The following DCAF8L2 variants were observed in gnomAD, a reference collection of about 807,000 sequenced individuals.
DCAF8L2 encodes the protein DDB1 and CUL4 associated factor 8 like 2, also known as DDB1- and CUL4-associated factor 8-like protein 2.
For missense variants in DCAF8L2, 430 were observed against 490.7 expected (o/e 0.88, Z 1.17); for synonymous variants, 200 against 190.9 (o/e 1.05, Z -0.39).
At chrX:27,595,320 A>G (rs758566713) in intron 1 of DCAF8L2, among the ~76,000 whole-genome samples, 27 of 111,843 alleles carry the variant, frequency 2.4e-4, no homozygotes, top group African/African-American at 7.5e-4. Flanking sequence ...AAAAAGCAGC[A>G]TGGCCAACTC....
At chrX:27,619,673 T>C (rs1015433703) in intron 1 of DCAF8L2, among the ~76,000 whole-genome samples, 8 of 111,711 alleles carry the variant, frequency 7.2e-5, no homozygotes, top group African/African-American at 2.6e-4. Context: ...ATCTACAAAA[T>C]GGCAGCTGCT....
the DCAF8L2 span, among the ~76,000 whole-genome samples, chrX:27,531,896 G>A: frequency 9.4e-4 from 105 of 111,129 alleles, no homozygotes; most frequent in African/African-American, 3.0e-3. Context: ...ACCATATATC[G>A]AAAAGGAATT....
intron 1 of DCAF8L2, among the ~76,000 whole-genome samples, chrX:27,620,308 C>G (rs1189829260): frequency 9.0e-6 from 1 of 111,136 alleles, no homozygotes. Context: ...AAAAATATAG[C>G]CAGAGGATAC....
chrX:27,627,538 TG>T (rs1225189641), intron 1 of DCAF8L2: 1 of 10,504 alleles, frequency 9.5e-5, no homozygotes, highest in African/African-American at 6.1e-4. Context: ...TTGTTTTTGT[TG>T]TGTGTGTGTG....
intron 3 of DCAF8L2, among the ~76,000 whole-genome samples, chrX:27,711,421 G>C (rs952134762): frequency 1.9e-5 from 2 of 105,243 alleles, no homozygotes; most frequent in African/African-American, 7.2e-5. Context: ...GTGTGTGTGT[G>C]TGTATTATAT....
the DCAF8L2 span, among the ~76,000 whole-genome samples, chrX:27,547,845 TTCTCTC>T: frequency 6.5e-5 from 3 of 46,291 alleles, no homozygotes; most frequent in Middle Eastern, 0.015. Context: ...CTCTCTCTCT[TTCTCTC>T]TCTCTCTCTC....
the DCAF8L2 span, among the ~76,000 whole-genome samples, chrX:27,549,002 C>G: frequency 6.3e-5 from 7 of 111,662 alleles, no homozygotes; most frequent in Non-Finnish European, 9.4e-5. Flanking sequence ...AGACCCACAA[C>G]AGAAGCGAAA....
the DCAF8L2 span, among the ~76,000 whole-genome samples, chrX:27,574,142 C>T: frequency 9.0e-6 from 1 of 110,575 alleles, no homozygotes; most frequent in Non-Finnish European, 1.9e-5. Context: ...CTTCAGTGGG[C>T]TTCCTGAGGA....
the DCAF8L2 span, among the ~76,000 whole-genome samples, chrX:27,523,957 C>T: frequency 1.8e-5 from 2 of 111,446 alleles, no homozygotes; most frequent in East Asian, 2.8e-4. Context: ...ATTTCTGCAT[C>T]GATGTTCATC....
chrX:27,585,413 T>C (rs756500950), upstream of DCAF8L2, among the ~76,000 whole-genome samples: 1 of 112,222 alleles, frequency 8.9e-6, no homozygotes, highest in South Asian at 3.7e-4. Context: ...TCTTATTGTC[T>C]ACTGATTCTG....
At chrX:27,624,385 C>T (rs749266275) in intron 1 of DCAF8L2, among the ~76,000 whole-genome samples, 1 of 110,729 alleles carries the variant, frequency 9.0e-6, no homozygotes, top group Non-Finnish European at 1.9e-5. Flanking sequence ...AAGGAACATT[C>T]CATGCTCATG....
At chrX:27,719,488 C>T (rs1931817550) in intron 4 of DCAF8L2, among the ~76,000 whole-genome samples, 1 of 101,947 alleles carries the variant, frequency 9.8e-6, no homozygotes, top group Non-Finnish European at 2.0e-5. Flanking sequence ...CTTGCTGTCA[C>T]CCAGGCTGGA....
chrX:27,659,731 T>A (rs745500045), intron 2 of DCAF8L2, among the ~76,000 whole-genome samples: 28 of 111,647 alleles, frequency 2.5e-4, no homozygotes, highest in African/African-American at 9.1e-4. Context: ...CCATTTTTTT[T>A]TAAATTTCAT....
At chrX:27,586,019 A>G (rs893081376), upstream of DCAF8L2, among the ~76,000 whole-genome samples, 1 of 111,343 alleles carries the variant, frequency 9.0e-6, no homozygotes, top group African/African-American at 3.3e-5. Context: ...ACTAACACAC[A>G]CCATCAGGGT....
the DCAF8L2 span, among the ~76,000 whole-genome samples, chrX:27,511,451 G>A: frequency 1.8e-5 from 2 of 111,463 alleles, no homozygotes; most frequent in Non-Finnish European, 3.8e-5. Flanking sequence ...TAAAATCTTA[G>A]TTATCACTTA....
At chrX:27,496,556 C>T in the DCAF8L2 span, among the ~76,000 whole-genome samples, 1 of 111,736 alleles carries the variant, frequency 8.9e-6, no homozygotes, top group Admixed American at 9.6e-5. Flanking sequence ...GATCATTAGT[C>T]TTGCAGCATG....
chrX:27,720,369 A>T (rs1273653341), intron 4 of DCAF8L2, among the ~76,000 whole-genome samples: 38 of 106,444 alleles, frequency 3.6e-4, no homozygotes, highest in African/African-American at 9.4e-4. Flanking sequence ...GATTATTATT[A>T]TTATTATTTT....
intron 2 of DCAF8L2, among the ~76,000 whole-genome samples, chrX:27,653,165 A>C (rs906405633): frequency 1.8e-5 from 2 of 111,996 alleles, no homozygotes; most frequent in African/African-American, 6.5e-5. Context: ...AGAGAGTCAA[A>C]TCAGCAAAGT....
intron 1 of DCAF8L2, among the ~76,000 whole-genome samples, chrX:27,603,246 G>T (rs1926729985): frequency 9.0e-6 from 1 of 111,123 alleles, no homozygotes; most frequent in Non-Finnish European, 1.9e-5. Flanking sequence ...ATTTTCTATT[G>T]GAGTGATTGC....
Sources: allele counts gnomAD v4.1 joint callset (sites outside exome capture counted in the v4.1 genomes callset), GRCh38; gene constraint gnomAD v4.1.1; transcripts MANE v1.5; gene names NCBI Gene and HGNC (gene_info 2026-07-23, HGNC 2026-07-21).